Variants in WDR7 observed in about 807,000 individuals in gnomAD.
WDR7 encodes WD repeat domain 7, also known as WD repeat-containing protein 7.
Under a neutral mutation model 169.4 loss-of-function variants are expected in WDR7, and 46 were observed. The ratio of observed to expected loss-of-function variants is 0.27; its 90% confidence interval spans 0.21 to 0.35. WDR7 has a LOEUF of 0.35. Among genes scored for constraint, WDR7 ranks in the 10% least tolerant of loss-of-function variants. WDR7 has a pLI of 1.00. For missense variants in WDR7, 1,534 were observed against 1,859.3 expected (o/e 0.83, Z 3.22); for synonymous variants, 612 against 666.8 (o/e 0.92, Z 1.27).
At chr18:56,867,299 A>G (rs1253748692) in intron 20 of WDR7, among the ~76,000 whole-genome samples, 1 of 152,164 alleles carries the variant, frequency 6.6e-6, no homozygotes, top group Non-Finnish European at 1.5e-5. Flanking sequence ...GGCCTCCTAA[A>G]GTGCTGGGAT....
At chr18:56,861,121 G>A (rs1478237630) in intron 20 of WDR7, among the ~76,000 whole-genome samples, 10 of 36,268 alleles carry the variant, frequency 2.8e-4, no homozygotes, top group Non-Finnish European at 4.7e-4. Context: ...CGAAAGTACA[G>A]TTTATATTCT....
At chr18:57,033,187 G>A (rs1453940661), downstream of WDR7, 3 of 152,190 alleles carry the variant, frequency 2.0e-5, no homozygotes, top group East Asian at 5.8e-4. Flanking sequence ...TGAGACCCGG[G>A]GCAGGTAAAG....
chr18:56,895,632 G>T (rs2046322535), intron 21 of WDR7, among the ~76,000 whole-genome samples: 1 of 151,560 alleles, frequency 6.6e-6, no homozygotes, highest in East Asian at 1.9e-4. Context: ...ACATTTTCCT[G>T]TTGTGATTAT....
At chr18:56,907,441 C>A (rs144987804) in intron 21 of WDR7, among the ~76,000 whole-genome samples, 1 of 152,112 alleles carries the variant, frequency 6.6e-6, no homozygotes, top group Non-Finnish European at 1.5e-5. Context: ...GGATTCTGGA[C>A]GTGCCGTGAC....
intron 20 of WDR7, among the ~76,000 whole-genome samples, chr18:56,846,652 A>G (rs1319545625): frequency 6.6e-6 from 1 of 152,196 alleles, no homozygotes; most frequent in Non-Finnish European, 1.5e-5. Context: ...GTAATGAGTG[A>G]GTTCTCATTC....
At chr18:56,906,507 A>G (rs2046477969) in intron 21 of WDR7, among the ~76,000 whole-genome samples, 1 of 150,968 alleles carries the variant, frequency 6.6e-6, no homozygotes, top group South Asian at 2.1e-4. Flanking sequence ...AGCAAGGCTT[A>G]TATGCTTCTT....
In WDR7 at chr18:56,766,726, T is replaced by A. The variant is rs528084800; in HGVS notation, c.2848+7773T>A. On this transcript the variant is annotated intron_variant, in intron 16 of 27. Transcript: ENST00000254442. ...TCACTTTTAATCTCAGACATTGTTA[T>A]ATGTGTCCCCAGAATTTTGATTTGG... Among the ~76,000 whole-genome samples, 111 of 152,094 alleles carry A rather than the reference T, an allele frequency of 7.3e-4. 2 individuals carry two copies. The South Asian group carries it at 0.022, about 30-fold the overall frequency.
At chr18:56,986,828 A>T (rs2047727808) in intron 26 of WDR7, among the ~76,000 whole-genome samples, 1 of 152,138 alleles carries the variant, frequency 6.6e-6, no homozygotes. Flanking sequence ...ATCATTTTTC[A>T]TGCCAAATTC....
At chr18:57,030,665 A>G (rs2048436196), downstream of WDR7, 1 of 152,206 alleles carries the variant, frequency 6.6e-6, no homozygotes. Context: ...GGAGGGAAAT[A>G]CTTCCACCCT....
intron 26 of WDR7, among the ~76,000 whole-genome samples, chr18:56,963,857 G>C (rs1270208467): frequency 6.6e-6 from 1 of 151,352 alleles, no homozygotes; most frequent in Non-Finnish European, 1.5e-5. Context: ...ATTCTCTTTT[G>C]TTAAGACAGT....
chr18:56,699,380 T>C (rs1243957566), intron 12 of WDR7, among the ~76,000 whole-genome samples: 1 of 152,244 alleles, frequency 6.6e-6, no homozygotes, highest in Non-Finnish European at 1.5e-5. Flanking sequence ...TCCTGTTCTT[T>C]TTAGCAGAAT....
chr18:56,873,102 A>C (rs1599118214), intron 20 of WDR7, among the ~76,000 whole-genome samples: 1 of 152,286 alleles, frequency 6.6e-6, no homozygotes, highest in Non-Finnish European at 1.5e-5. Context: ...TGTCTCCTTT[A>C]GGGACTCCTT....
intron 21 of WDR7, among the ~76,000 whole-genome samples, chr18:56,897,825 C>T (rs192112200): frequency 4.5e-4 from 68 of 151,882 alleles, no homozygotes; most frequent in Non-Finnish European, 7.8e-4. Context: ...GAATGAATCT[C>T]GAAATATAAT....
intron 14 of WDR7, among the ~76,000 whole-genome samples, chr18:56,745,426 C>T (rs1001079669): frequency 2.0e-5 from 3 of 152,142 alleles, no homozygotes; most frequent in South Asian, 4.1e-4. Context: ...GGACTGGTTT[C>T]GTGGAAGACG....
rs190517812 is a variant in WDR7 at position 56,892,911 on chromosome 18, A to G, written c.3526+12746A>G. ...AGGGTCTGTAATGCAAGTAGAGATC[A>G]CAGTTAAAAATTATAAAGCTGTTAT... is the stretch of plus-strand genomic sequence containing the variant. On this transcript the variant is annotated intron_variant, in intron 21 of 27. Transcript: ENST00000254442. Among the ~76,000 whole-genome samples the G allele has an allele frequency of 2.3e-3, 352 of 152,210 alleles. 1 individual carries two copies. Among genetic ancestry groups the G allele is most frequent in the African/African-American group, 7.9e-3 (330 of 41,562 alleles).
At chr18:56,969,103 G>A in intron 26 of WDR7, among the ~76,000 whole-genome samples, 1 of 152,072 alleles carries the variant, frequency 6.6e-6, no homozygotes, top group East Asian at 1.9e-4. Context: ...TTTCCATTTG[G>A]ATATCTTTTG....
Position 56,896,014 on chromosome 18 carries a change from T to G in WDR7, c.3526+15849T>G, listed in dbSNP as rs555361198. On this transcript the variant is annotated intron_variant, in intron 21 of 27. Transcript: ENST00000254442. ...GCTGACAATATACTGGTTACTATTT[T>G]GGGCACTTTATAAATATTAACTCAT... 1.4e-3 allele frequency among the ~76,000 whole-genome samples: 206 copies of G among 152,000 alleles called. 1 individual carries two copies. The highest frequency in any genetic ancestry group is 2.2e-3 in the Non-Finnish European group (151 of 67,782).
At chr18:56,803,502 AT>A (rs1161862515) in intron 19 of WDR7, among the ~76,000 whole-genome samples, 1 of 152,162 alleles carries the variant, frequency 6.6e-6, no homozygotes, top group East Asian at 1.9e-4. Flanking sequence ...GCCATCAAAT[AT>A]CTTATTTATA....
chr18:56,987,261 A>G (rs946560030), intron 26 of WDR7, among the ~76,000 whole-genome samples: 1 of 141,958 alleles, frequency 7.0e-6, no homozygotes, highest in African/African-American at 2.6e-5. Context: ...AGGTATTGCA[A>G]AGGTTAAGCC....
Sources: gnomAD v4.1 joint callset for allele counts (sites outside exome capture counted in the v4.1 genomes callset) on GRCh38, gnomAD v4.1.1 for gene constraint, MANE v1.5 for transcripts, NCBI Gene and HGNC (gene_info 2026-07-23, HGNC 2026-07-21) for gene names.